Variants in ARHGAP20 observed in about 807,000 individuals in gnomAD.
ARHGAP20 encodes the protein rho GTPase-activating protein 20.
Under a neutral mutation model 73.7 loss-of-function variants are expected in ARHGAP20, and 34 were observed. The ratio of observed to expected loss-of-function variants is 0.46; its 90% CI spans 0.35 to 0.61. ARHGAP20 has a LOEUF of 0.61. Among genes scored for constraint, ARHGAP20 ranks in the 20% least tolerant of loss-of-function variants. The pLI, the probability that ARHGAP20 is intolerant of heterozygous loss-of-function variation, is 0.00. For synonymous variants in ARHGAP20, 523 were observed against 518.2 expected, an observed-to-expected ratio of 1.01 and a Z score of -0.13; for missense variants, 1,314 against 1,420.9, an observed-to-expected ratio of 0.92 and a Z score of 1.21.
At chr11:110,599,749 C>A (rs1662460961) in intron 9 of ARHGAP20, among the ~76,000 whole-genome samples, 1 of 152,056 alleles carries the variant, frequency 6.6e-6, no homozygotes, top group South Asian at 2.1e-4. Flanking sequence ...GATGTCCTGA[C>A]AACCAGCTGC....
intron 2 of ARHGAP20, among the ~76,000 whole-genome samples, chr11:110,683,980 C>T (rs1461818677): frequency 1.3e-5 from 2 of 152,248 alleles, no homozygotes; most frequent in East Asian, 3.9e-4. Flanking sequence ...CCCCTTCCGT[C>T]ATGTGAGGAC....
In ARHGAP20 at chr11:110,609,072, T is replaced by C. The variant is rs138555142; in HGVS notation, c.709-22A>G. On this transcript the variant is annotated intron_variant, in intron 7 of 14. Coordinates refer to ENST00000683387, the MANE Select transcript of ARHGAP20 (RefSeq NM_001384657.1). ...AGCCCTTAGAGATAAAAGAGTTAAA[T>C]GTCACAATAAATCTTTCACATTTGA... 1,292 of 1,602,078 alleles carry C rather than the reference T, an allele frequency of 8.1e-4. 13 individuals carry two copies. The African/African-American group carries it at 0.014, about 18-fold the overall frequency.
At chr11:110,625,466 C>G (rs1291789056) in intron 3 of ARHGAP20, among the ~76,000 whole-genome samples, 1 of 152,032 alleles carries the variant, frequency 6.6e-6, no homozygotes. Flanking sequence ...CCTTTAGAAG[C>G]ATAGGTTATT....
At position 110,578,542 on chromosome 11, in the gene ARHGAP20, G is replaced by A. The variant is rs1355349663; in HGVS notation, c.*828C>T. On this transcript the variant is annotated 3_prime_UTR_variant, in exon 15 of 15. Coordinates refer to ENST00000683387, the MANE Select transcript of ARHGAP20 (RefSeq NM_001384657.1). ...CCATATTGAGAGTGAACGCTGTCAG[G>A]AGGTCACCTTCTAAATAGAAGAAGT... 1 of 985,294 alleles carries A rather than the reference G, an allele frequency of 1.0e-6. No individual in the cohort carries two copies. Among genetic ancestry groups the A allele is most frequent in the Non-Finnish European group, 1.2e-6 (1 of 829,952 alleles). The allele number at this position is 985,294 out of a possible 1,614,324, so 61.0% of individuals were successfully genotyped here. A position where few individuals can be genotyped will look rare whatever the true frequency, so the allele number is the denominator to read the frequency against.
At chr11:110,599,766 GACTACCC>G (rs111654709) in intron 9 of ARHGAP20, among the ~76,000 whole-genome samples, 3,566 of 152,276 alleles carry the variant, frequency 0.023, 118 homozygotes, top group African/African-American at 0.075. Flanking sequence ...CTGCAGAGAG[GACTACCC>G]ACTACAGGGC....
At chr11:110,703,579 T>A (rs1433556462) in intron 1 of ARHGAP20, among the ~76,000 whole-genome samples, 1 of 151,756 alleles carries the variant, frequency 6.6e-6, no homozygotes, top group Non-Finnish European at 1.5e-5. Context: ...AGCACTGTGA[T>A]AATGTAACAG....
chr11:110,588,572 G>C (rs1264481277), intron 11 of ARHGAP20, among the ~76,000 whole-genome samples: 1 of 152,148 alleles, frequency 6.6e-6, no homozygotes, highest in East Asian at 1.9e-4. Context: ...ACGATAAAAT[G>C]TTAATTACTT....
chr11:110,588,894 A>AC (rs1219078575), intron 11 of ARHGAP20, among the ~76,000 whole-genome samples: 2 of 152,078 alleles, frequency 1.3e-5, no homozygotes, highest in African/African-American at 4.8e-5. Context: ...ACACAGTGAA[A>AC]CCCCGTCTCT....
chr11:110,665,978 C>T (rs201397397), intron 2 of ARHGAP20, among the ~76,000 whole-genome samples: 43,125 of 150,458 alleles, frequency 0.29, 6,490 homozygotes, highest in African/African-American at 0.4. Context: ...GATACATATA[C>T]ACACACACAC....
At chr11:110,656,538 A>G (rs911071267) in intron 2 of ARHGAP20, among the ~76,000 whole-genome samples, 1 of 152,006 alleles carries the variant, frequency 6.6e-6, no homozygotes, top group Non-Finnish European at 1.5e-5. Flanking sequence ...AGTAAGGGAG[A>G]GAGTTCCCTC....
At chr11:110,588,503 C>T (rs1947732612) in intron 11 of ARHGAP20, among the ~76,000 whole-genome samples, 1 of 152,136 alleles carries the variant, frequency 6.6e-6, no homozygotes, top group South Asian at 2.1e-4. Flanking sequence ...AGCTTAAGAA[C>T]TTTTGCTAAA....
At position 110,590,622 on chromosome 11, in the gene ARHGAP20, G is replaced by GT. The variant is rs1379090535; in HGVS notation, c.1305+25dup. 5.0e-6 allele frequency: 8 copies of GT among 1,599,548 alleles called. No homozygotes were observed. The East Asian group carries it at 1.8e-4, about 36-fold the overall frequency. On this transcript the variant is annotated intron_variant, in intron 11 of 14. Coordinates refer to ENST00000683387, the MANE Select transcript of ARHGAP20 (RefSeq NM_001384657.1). ...TCTTTCTCTAGAGCTACACCATGGG[G>GT]TGGATAAAGGGATGACTCTTCTTAC...
chr11:110,642,161 C>A (rs1308528954), intron 2 of ARHGAP20, among the ~76,000 whole-genome samples: 1 of 152,126 alleles, frequency 6.6e-6, no homozygotes, highest in African/African-American at 2.4e-5. Flanking sequence ...TGAAACTTTA[C>A]TGAAATTGAC....
intron 4 of ARHGAP20, among the ~76,000 whole-genome samples, chr11:110,616,561 T>C (rs1329628157): frequency 1.3e-5 from 2 of 152,204 alleles, no homozygotes; most frequent in African/African-American, 2.4e-5. Context: ...TTTTTAGAGA[T>C]GTTGGAAATC....
In ARHGAP20 at chr11:110,583,599, A is replaced by G; in HGVS notation, c.1554T>C (p.Leu518=). The part of the protein sequence containing the change: ...NLAVCVAPSI[L]WPPASSSPEL... ...CTGGGCTGGAGGAAGCAGGAGGCCA[A>G]AGAATACTTGGAGCGACACACACAG... Residue 518 remains leucine (L), a synonymous_variant, in exon 13 of 15, where the codon CTT becomes CTC. Coordinates refer to ENST00000683387, the MANE Select transcript of ARHGAP20 (RefSeq NM_001384657.1). The G allele has an allele frequency of 6.2e-7, 1 of 1,612,336 alleles. No individual in the cohort carries two copies. Among genetic ancestry groups the G allele is most frequent in the Middle Eastern group, 1.7e-4 (1 of 6,058 alleles).
At chr11:110,646,960 CA>C (rs1016139719) in intron 2 of ARHGAP20, among the ~76,000 whole-genome samples, 3 of 150,958 alleles carry the variant, frequency 2.0e-5, no homozygotes, top group East Asian at 1.9e-4. Flanking sequence ...AGAAAATTTT[CA>C]AAAAAAATAA....
At chr11:110,627,227 T>C (rs1056971430) in intron 3 of ARHGAP20, among the ~76,000 whole-genome samples, 8 of 152,154 alleles carry the variant, frequency 5.3e-5, no homozygotes, top group Admixed American at 3.3e-4. Context: ...TAGCTGGGAT[T>C]ATAGGTGCCT....
intron 4 of ARHGAP20, among the ~76,000 whole-genome samples, chr11:110,621,050 G>A (rs952311982): frequency 5.6e-5 from 7 of 125,182 alleles, no homozygotes; most frequent in Non-Finnish European, 9.6e-5. Context: ...CTACGGCTTG[G>A]GCAACAAGAG....
At chr11:110,665,552 GCA>G (rs1461647628) in intron 2 of ARHGAP20, among the ~76,000 whole-genome samples, 1 of 152,166 alleles carries the variant, frequency 6.6e-6, no homozygotes, top group African/African-American at 2.4e-5. Context: ...AGATTCTATT[GCA>G]CAGGGCAGGG....
Sources: gnomAD v4.1 joint callset for allele counts (sites outside exome capture counted in the v4.1 genomes callset) on GRCh38, gnomAD v4.1.1 for gene constraint, MANE v1.5 for transcripts, NCBI Gene and HGNC (gene_info 2026-07-23, HGNC 2026-07-21) for gene names.